Variants in LINGO2 observed in about 807,000 individuals in gnomAD.
LINGO2 encodes the protein leucine rich repeat and Ig domain containing 2.
In LINGO2, 14 loss-of-function variants were observed where a neutral mutation model predicts 30.6. That is an observed-to-expected ratio of 0.46 (90% CI 0.30 to 0.72). The LOEUF (loss-of-function observed/expected upper bound fraction) is 0.72, where lower values mean the gene tolerates loss of function less well. LINGO2 is among the 30% of genes least tolerant of loss of function. LINGO2 has a pLI of 0.07. For synonymous variants in LINGO2, 317 were observed against 288.5 expected (o/e 1.10, Z -1.00); for missense variants, 729 against 751.7 (o/e 0.97, Z 0.35).
chr9:28,664,996 C>CATATATATATATATATATAT (rs10527878), intron 1 of LINGO2, among the ~76,000 whole-genome samples: 6 of 96,268 alleles, frequency 6.2e-5, no homozygotes, highest in Admixed American at 1.1e-4. Flanking sequence ...TATGTGTTTA[C>CATATATATATATATATATAT]ATATATATAT....
intron 5 of LINGO2, among the ~76,000 whole-genome samples, chr9:27,996,817 G>T (rs1489256168): frequency 6.6e-6 from 1 of 152,158 alleles, no homozygotes; most frequent in African/African-American, 2.4e-5. Flanking sequence ...CAATTACCCT[G>T]ATTTGATCAT....
chr9:28,697,635 T>G, the LINGO2 span, among the ~76,000 whole-genome samples: 4 of 151,858 alleles, frequency 2.6e-5, no homozygotes, highest in African/African-American at 7.2e-5. Context: ...CATATTTAAC[T>G]GAAGTAGAAA....
chr9:28,392,394 T>C (rs1200748428), intron 2 of LINGO2, among the ~76,000 whole-genome samples: 2 of 152,188 alleles, frequency 1.3e-5, no homozygotes, highest in Non-Finnish European at 2.9e-5. Flanking sequence ...TGCTATTCAC[T>C]AGCTGTTTGC....
At chr9:28,620,101 C>T (rs529071950) in intron 1 of LINGO2, among the ~76,000 whole-genome samples, 1 of 148,416 alleles carries the variant, frequency 6.7e-6, no homozygotes, top group South Asian at 2.2e-4. Context: ...TCAGCTGCAG[C>T]AATGGTCTTT....
At chr9:28,302,565 G>A (rs1201201600) in intron 3 of LINGO2, among the ~76,000 whole-genome samples, 1 of 152,142 alleles carries the variant, frequency 6.6e-6, no homozygotes, top group African/African-American at 2.4e-5. Flanking sequence ...CAGCTACTCA[G>A]GAGGCTGAGT....
chr9:29,035,805 G>A, the LINGO2 span, among the ~76,000 whole-genome samples: 1 of 151,884 alleles, frequency 6.6e-6, no homozygotes, highest in Non-Finnish European at 1.5e-5. Flanking sequence ...GTCCCAATTT[G>A]TTCCCTGGCA....
chr9:29,045,973 G>A, the LINGO2 span, among the ~76,000 whole-genome samples: 2 of 152,194 alleles, frequency 1.3e-5, no homozygotes, highest in East Asian at 3.9e-4. Context: ...GAAAGCTATT[G>A]TATATTAATT....
chr9:28,040,222 A>G (rs960956772), intron 4 of LINGO2, among the ~76,000 whole-genome samples: 5 of 152,128 alleles, frequency 3.3e-5, no homozygotes, highest in African/African-American at 1.2e-4. Context: ...AGTCTCTTCA[A>G]TTTCTCCATA....
At chr9:28,358,265 A>T (rs1820307837) in intron 3 of LINGO2, among the ~76,000 whole-genome samples, 1 of 152,152 alleles carries the variant, frequency 6.6e-6, no homozygotes, top group Non-Finnish European at 1.5e-5. Flanking sequence ...GGGAAAACTG[A>T]AGCCCACGAA....
chr9:28,737,321 A>G, the LINGO2 span, among the ~76,000 whole-genome samples: 1 of 152,186 alleles, frequency 6.6e-6, no homozygotes, highest in South Asian at 2.1e-4. Context: ...GAAACCATCA[A>G]TGAACCCAGA....
chr9:28,570,570 A>G (rs1294385027), intron 1 of LINGO2, among the ~76,000 whole-genome samples: 4 of 151,346 alleles, frequency 2.6e-5, no homozygotes, highest in Admixed American at 1.3e-4. Flanking sequence ...GAAGCATATA[A>G]CTTTTAAGAA....
intron 2 of LINGO2, among the ~76,000 whole-genome samples, chr9:28,385,477 G>A (rs1184310189): frequency 6.6e-6 from 1 of 152,102 alleles, no homozygotes; most frequent in Non-Finnish European, 1.5e-5. Context: ...TCTGAATTAA[G>A]AAATATAGAA....
At chr9:28,603,764 G>T (rs1226685912) in intron 1 of LINGO2, among the ~76,000 whole-genome samples, 2 of 152,000 alleles carry the variant, frequency 1.3e-5, no homozygotes, top group Non-Finnish European at 2.9e-5. Context: ...GACAATCCAG[G>T]ACAGTGTTAT....
At chr9:28,423,920 A>G (rs1264501154) in intron 2 of LINGO2, among the ~76,000 whole-genome samples, 1 of 152,150 alleles carries the variant, frequency 6.6e-6, no homozygotes, top group Non-Finnish European at 1.5e-5. Flanking sequence ...AAACAGCTAC[A>G]TCGACTGCCC....
At chr9:28,948,170 A>G in the LINGO2 span, among the ~76,000 whole-genome samples, 1 of 152,120 alleles carries the variant, frequency 6.6e-6, no homozygotes, top group Admixed American at 6.6e-5. Context: ...TTAAAAATCA[A>G]CTAAATATCA....
At chr9:29,137,660 G>A in the LINGO2 span, among the ~76,000 whole-genome samples, 2 of 152,000 alleles carry the variant, frequency 1.3e-5, no homozygotes, top group Non-Finnish European at 2.9e-5. Flanking sequence ...GCTCAAATTT[G>A]GCCTGCAATT....
At chr9:28,621,828 T>C (rs1487815446) in intron 1 of LINGO2, among the ~76,000 whole-genome samples, 3 of 152,046 alleles carry the variant, frequency 2.0e-5, no homozygotes, top group Non-Finnish European at 2.9e-5. Context: ...ATTAAGTGTG[T>C]CACAGCATTC....
At chr9:28,792,358 T>A in the LINGO2 span, among the ~76,000 whole-genome samples, 20 of 152,150 alleles carry the variant, frequency 1.3e-4, no homozygotes, top group South Asian at 4.1e-3. Context: ...AATTGTAAGA[T>A]AAGCTAATCA....
intron 4 of LINGO2, among the ~76,000 whole-genome samples, chr9:28,193,742 A>C (rs1819904683): frequency 6.6e-6 from 1 of 152,226 alleles, no homozygotes; most frequent in Non-Finnish European, 1.5e-5. Context: ...AAACTGAGAA[A>C]GAACTTTTGA....
Sources: allele counts gnomAD v4.1 joint callset (sites outside exome capture counted in the v4.1 genomes callset), GRCh38; gene constraint gnomAD v4.1.1; transcripts MANE v1.5; gene names NCBI Gene and HGNC (gene_info 2026-07-23, HGNC 2026-07-21).